The following TYR variants were observed in gnomAD, a reference collection of about 807,000 sequenced individuals.
TYR encodes tyrosinase, also known as LB24-AB.
In TYR, 58 loss-of-function variants were observed where a neutral mutation model predicts 51.5. The observed-to-expected ratio is 1.13, with a 90% CI of 0.91 to 1.40. TYR has a LOEUF of 1.40. TYR is among the 40% of genes most tolerant of loss of function. The pLI, the probability that TYR is intolerant of heterozygous loss-of-function variation, is 0.00. For synonymous variants in TYR, 263 were observed against 235.2 expected (o/e 1.12, Z -1.08); for missense variants, 732 against 647.4 (o/e 1.13, Z -1.42).
In TYR at chr11:89,287,787, G is replaced by A. The variant is rs569813610; in HGVS notation, c.1366+2833G>A. Among the ~76,000 whole-genome samples the A allele has an allele frequency of 2.0e-5, 3 of 152,038 alleles. No individual in the cohort carries two copies. The South Asian group carries it at 6.2e-4, about 31-fold the overall frequency. On this transcript the variant is annotated intron_variant, in intron 4 of 4. Coordinates refer to ENST00000263321, the MANE Select transcript of TYR (RefSeq NM_000372.5). ...GCAGAAAAATTTTAGTAGTTGGAAA[G>A]CACATGCAGAAAGCCAGTGAAAATG...
At chr11:89,183,521 G>GTA (rs1943328768) in intron 1 of TYR, among the ~76,000 whole-genome samples, 1 of 152,122 alleles carries the variant, frequency 6.6e-6, no homozygotes, top group African/African-American at 2.4e-5. Context: ...AGTGGAAAGA[G>GTA]TATAGTCTTT....
intron 2 of TYR, among the ~76,000 whole-genome samples, chr11:89,203,018 A>T (rs1943620404): frequency 6.6e-6 from 1 of 152,194 alleles, no homozygotes; most frequent in South Asian, 2.1e-4. Context: ...ACATAAATAG[A>T]CTTCTTTGAT....
intron 2 of TYR, among the ~76,000 whole-genome samples, chr11:89,193,182 T>A (rs1252314293): frequency 6.6e-6 from 1 of 152,160 alleles, no homozygotes; most frequent in Non-Finnish European, 1.5e-5. Context: ...TTAATGACAT[T>A]GCAAAGCGAA....
intron 3 of TYR, among the ~76,000 whole-genome samples, chr11:89,266,834 A>T (rs535967513): frequency 1.3e-5 from 2 of 152,078 alleles, no homozygotes; most frequent in South Asian, 2.1e-4. Context: ...AGGTAATTAC[A>T]TGAAGATTAT....
At chr11:89,262,863 A>AAAC (rs1248357322) in intron 3 of TYR, among the ~76,000 whole-genome samples, 4 of 146,360 alleles carry the variant, frequency 2.7e-5, no homozygotes, top group Admixed American at 6.9e-5. Context: ...AAAAAAAAAA[A>AAAC]AAAAAAAAAC....
intron 4 of TYR, among the ~76,000 whole-genome samples, chr11:89,292,333 T>C (rs1025149256): frequency 2.0e-5 from 3 of 152,066 alleles, no homozygotes; most frequent in Non-Finnish European, 4.4e-5. Context: ...GACAATATAC[T>C]ATTGGCCTTC....
chr11:89,203,426 A>T (rs1385229504), intron 2 of TYR, among the ~76,000 whole-genome samples: 1 of 152,222 alleles, frequency 6.6e-6, no homozygotes, highest in African/African-American at 2.4e-5. Context: ...TCTAAAAGAA[A>T]TTCTTGTGTG....
At chr11:89,291,691 G>A (rs946478847) in intron 4 of TYR, among the ~76,000 whole-genome samples, 3 of 151,872 alleles carry the variant, frequency 2.0e-5, no homozygotes, top group African/African-American at 7.2e-5. Flanking sequence ...AAAGAGTGCT[G>A]CAAGTCTTAT....
intron 4 of TYR, among the ~76,000 whole-genome samples, chr11:89,291,004 T>C (rs893751780): frequency 7.2e-5 from 11 of 152,022 alleles, no homozygotes; most frequent in Admixed American, 5.9e-4. Flanking sequence ...AAATAGATTC[T>C]ATAGTTATAT....
rs1055986683 is a variant in TYR at position 89,206,989 on chromosome 11, G to A, written c.1036+15571G>A. ...TACTATAAAATTGTGCTGAGAGGGG[G>A]AAGTATAGTACTAAATGCACACATG... On this transcript the variant is annotated intron_variant, in intron 2 of 4. Coordinates refer to ENST00000263321, the MANE Select transcript of TYR (RefSeq NM_000372.5). 5.3e-5 allele frequency among the ~76,000 whole-genome samples: 8 copies of A among 152,028 alleles called. No individual in the cohort carries two copies. The East Asian group carries it at 1.5e-3, about 29-fold the overall frequency.
At chr11:89,215,927 T>C (rs544084803) in intron 2 of TYR, among the ~76,000 whole-genome samples, 13 of 152,204 alleles carry the variant, frequency 8.5e-5, no homozygotes, top group Non-Finnish European at 1.9e-4. Context: ...TAAGATAATG[T>C]TTGTTAAACA....
intron 1 of TYR, among the ~76,000 whole-genome samples, chr11:89,190,288 C>A (rs913481410): frequency 1.3e-5 from 2 of 152,040 alleles, no homozygotes; most frequent in Non-Finnish European, 2.9e-5. Context: ...GATGATAGCT[C>A]CATGTGTACT....
intron 3 of TYR, among the ~76,000 whole-genome samples, chr11:89,275,246 A>C (rs528335206): frequency 2.1e-4 from 32 of 151,956 alleles, no homozygotes; most frequent in African/African-American, 6.8e-4. Context: ...GAAGATGCCT[A>C]GTTCTCACTT....
At chr11:89,218,958 T>C (rs547943644) in intron 2 of TYR, among the ~76,000 whole-genome samples, 1 of 152,336 alleles carries the variant, frequency 6.6e-6, no homozygotes, top group East Asian at 1.9e-4. Flanking sequence ...ACTAGTTAAA[T>C]GACTTTTGTA....
intron 3 of TYR, among the ~76,000 whole-genome samples, chr11:89,280,497 T>C (rs1375100625): frequency 6.6e-6 from 1 of 151,562 alleles, no homozygotes; most frequent in African/African-American, 2.4e-5. Context: ...TCTTAGGGTT[T>C]CCGTCTTTCT....
At chr11:89,253,159 C>A (rs112719070) in intron 3 of TYR, among the ~76,000 whole-genome samples, 89 of 151,788 alleles carry the variant, frequency 5.9e-4, no homozygotes, top group African/African-American at 2.0e-3. Context: ...AATGAAAGAT[C>A]CTTTCACTTT....
intron 3 of TYR, among the ~76,000 whole-genome samples, chr11:89,256,170 CTTTAA>C (rs1029133798): frequency 3.3e-5 from 5 of 151,654 alleles, no homozygotes; most frequent in African/African-American, 1.2e-4. Context: ...TAATTTTAAA[CTTTAA>C]TTTAAAATCG....
intron 4 of TYR, among the ~76,000 whole-genome samples, chr11:89,293,373 C>A (rs1227720560): frequency 1.4e-5 from 2 of 143,678 alleles, no homozygotes; most frequent in Non-Finnish European, 3.1e-5. Context: ...ACACACACAA[C>A]CCAGAATGGT....
intron 2 of TYR, among the ~76,000 whole-genome samples, chr11:89,205,206 C>G (rs1005228775): frequency 6.6e-6 from 1 of 151,736 alleles, no homozygotes; most frequent in Admixed American, 6.6e-5. Flanking sequence ...ATAGAAATTA[C>G]CAAATCTGAA....
Sources: gnomAD v4.1 joint callset for allele counts (sites outside exome capture counted in the v4.1 genomes callset) on GRCh38, gnomAD v4.1.1 for gene constraint, MANE v1.5 for transcripts, NCBI Gene and HGNC (gene_info 2026-07-23, HGNC 2026-07-21) for gene names.